ADORA2B: variants seen among roughly 807,000 people sequenced by gnomAD.
ADORA2B encodes adenosine receptor A2b.
ADORA2B carries 18 observed loss-of-function variants against 20.8 expected under a neutral mutation model. The ratio of observed to expected loss-of-function variants is 0.87; its 90% CI spans 0.60 to 1.29. ADORA2B has a LOEUF of 1.29. Ranked by LOEUF, ADORA2B falls within the 50% of genes most tolerant of loss-of-function variation. The pLI is 0.00. For missense variants in ADORA2B, 441 were observed against 422.7 expected, an observed-to-expected ratio of 1.04 and a Z score of -0.38; for synonymous variants, 179 against 178.3, an observed-to-expected ratio of 1.00 and a Z score of -0.03.
the ADORA2B span, among the ~76,000 whole-genome samples, chr17:15,860,600 A>G: frequency 1.3e-5 from 2 of 152,130 alleles, no homozygotes; most frequent in Admixed American, 1.3e-4. Flanking sequence ...CTTGAAATTC[A>G]CAATAATTTT....
chr17:15,929,590 A>T, the ADORA2B span, among the ~76,000 whole-genome samples: 1 of 152,262 alleles, frequency 6.6e-6, no homozygotes, highest in East Asian at 1.9e-4. Flanking sequence ...CACTCTGAAC[A>T]ATAGCAGAAA....
the ADORA2B span, among the ~76,000 whole-genome samples, chr17:15,896,867 T>C: frequency 6.6e-6 from 1 of 152,228 alleles, no homozygotes; most frequent in East Asian, 1.9e-4. Flanking sequence ...CAGGTTCCTC[T>C]GGCTCATTGG....
chr17:15,867,941 T>C, the ADORA2B span, among the ~76,000 whole-genome samples: 2 of 151,384 alleles, frequency 1.3e-5, no homozygotes, highest in South Asian at 2.1e-4. Context: ...GGGGGAAAGG[T>C]GGGGAAAAGA....
intron 1 of ADORA2B, among the ~76,000 whole-genome samples, chr17:15,968,836 A>G (rs1366881318): frequency 6.6e-6 from 1 of 152,152 alleles, no homozygotes; most frequent in African/African-American, 2.4e-5. Context: ...AGCTGCCCAA[A>G]TAGCAGGTGC....
At chr17:15,880,460 G>T in the ADORA2B span, among the ~76,000 whole-genome samples, 9,572 of 139,196 alleles carry the variant, frequency 0.069, 1,030 homozygotes, top group African/African-American at 0.23. Flanking sequence ...GCTTTCTAGG[G>T]TAGAATGGAG....
At chr17:15,902,143 T>C in the ADORA2B span, among the ~76,000 whole-genome samples, 1 of 152,144 alleles carries the variant, frequency 6.6e-6, no homozygotes, top group Non-Finnish European at 1.5e-5. Context: ...TTTTTGTGAG[T>C]GGGTTATTTC....
chr17:15,953,385 C>G (rs757455080), intron 1 of ADORA2B, among the ~76,000 whole-genome samples: 1 of 152,192 alleles, frequency 6.6e-6, no homozygotes, highest in African/African-American at 2.4e-5. Context: ...TACAAAAAGG[C>G]CCAAAAGGGA....
At chr17:15,896,801 G>A in the ADORA2B span, among the ~76,000 whole-genome samples, 10 of 152,298 alleles carry the variant, frequency 6.6e-5, no homozygotes, top group African/African-American at 2.4e-4. Flanking sequence ...AAGAAGAAGA[G>A]ATAGGACAAG....
At chr17:15,895,803 AAG>A in the ADORA2B span, among the ~76,000 whole-genome samples, 12 of 152,228 alleles carry the variant, frequency 7.9e-5, no homozygotes, top group African/African-American at 2.9e-4. Context: ...TAGGGAAGCA[AAG>A]AGAGGGAGGA....
At chr17:15,868,665 G>T in the ADORA2B span, among the ~76,000 whole-genome samples, 10 of 132,010 alleles carry the variant, frequency 7.6e-5, no homozygotes, top group African/African-American at 2.8e-4. Context: ...CTGTAGTCCC[G>T]GCTGCTTGGG....
chr17:15,958,028 T>C (rs998270259), intron 1 of ADORA2B, among the ~76,000 whole-genome samples: 1 of 152,074 alleles, frequency 6.6e-6, no homozygotes, highest in Non-Finnish European at 1.5e-5. Context: ...CTTTTTTTTT[T>C]TTTTTCTTGA....
At chr17:15,883,926 A>G in the ADORA2B span, among the ~76,000 whole-genome samples, 10 of 152,224 alleles carry the variant, frequency 6.6e-5, no homozygotes, top group African/African-American at 2.2e-4. Context: ...CAGTGATGAA[A>G]TATTTACCAT....
the ADORA2B span, among the ~76,000 whole-genome samples, chr17:15,861,203 G>A: frequency 1.3e-5 from 2 of 152,214 alleles, no homozygotes; most frequent in African/African-American, 4.8e-5. Flanking sequence ...TAAATTAAGA[G>A]CTGTAAAAAG....
the ADORA2B span, among the ~76,000 whole-genome samples, chr17:15,904,780 G>A: frequency 1.3e-5 from 2 of 152,184 alleles, no homozygotes; most frequent in Admixed American, 1.3e-4. Context: ...TGTTGCATAT[G>A]GGCATCCAGT....
At chr17:15,890,380 G>A in the ADORA2B span, among the ~76,000 whole-genome samples, 1 of 97,110 alleles carries the variant, frequency 1.0e-5, no homozygotes, top group Admixed American at 1.0e-4. Context: ...CTGGATATTA[G>A]TCATTTGCTA....
intron 1 of ADORA2B, among the ~76,000 whole-genome samples, chr17:15,953,737 G>A (rs1466790223): frequency 6.6e-6 from 1 of 152,170 alleles, no homozygotes; most frequent in Admixed American, 6.5e-5. Context: ...TGTGAGCCGC[G>A]CTGTTACTGT....
the ADORA2B span, among the ~76,000 whole-genome samples, chr17:15,901,520 T>C: frequency 5.9e-5 from 9 of 152,200 alleles, no homozygotes; most frequent in Admixed American, 5.9e-4. Context: ...AGCACTTTTT[T>C]TCATATTTAC....
the ADORA2B span, among the ~76,000 whole-genome samples, chr17:15,903,005 C>A: frequency 6.6e-6 from 1 of 152,100 alleles, no homozygotes; most frequent in Non-Finnish European, 1.5e-5. Flanking sequence ...TATAATAACT[C>A]ATTAAATTAT....
the ADORA2B span, among the ~76,000 whole-genome samples, chr17:15,927,427 G>A: frequency 6.6e-6 from 1 of 151,962 alleles, no homozygotes; most frequent in Non-Finnish European, 1.5e-5. Flanking sequence ...AGGCTGCAGT[G>A]AGCCGAGTTT....
Sources: allele counts gnomAD v4.1 joint callset (sites outside exome capture counted in the v4.1 genomes callset), GRCh38; gene constraint gnomAD v4.1.1; transcripts MANE v1.5; gene names NCBI Gene and HGNC (gene_info 2026-07-23, HGNC 2026-07-21).